Variants in SDK1 observed in about 807,000 individuals in gnomAD.
The protein encoded by SDK1 is protein sidekick-1.
A neutral mutation model predicts 245.5 loss-of-function variants in SDK1; 157 were observed. The ratio of observed to expected loss-of-function variants is 0.64; its 90% CI spans 0.56 to 0.73. The LOEUF (loss-of-function observed/expected upper bound fraction) is 0.73, where lower values mean the gene tolerates loss of function less well. Among genes scored for constraint, SDK1 ranks in the 30% least tolerant of loss-of-function variants. The pLI, the probability that SDK1 is intolerant of heterozygous loss-of-function variation, is 0.00. For synonymous variants in SDK1, 1,647 were observed against 1,278.5 expected (o/e 1.29, Z -6.15); for missense variants, 3,583 against 3,002.3 (o/e 1.19, Z -4.52).
In SDK1 at chr7:4,241,372, C is replaced by T. The variant is rs574780662; in HGVS notation, c.6131-421C>T. Among the ~76,000 whole-genome samples, 17 of 152,268 alleles carry T rather than the reference C, an allele frequency of 1.1e-4. 1 individual carries two copies. The South Asian group carries it at 2.7e-3, about 24-fold the overall frequency. Reference sequence around the variant, plus strand: ...ATTCTTGGCCAGGTGCAGTGGCTCACGCTTGCCATCCCAGCACTTTGAGAG... The same window carrying T: ...ATTCTTGGCCAGGTGCAGTGGCTCATGCTTGCCATCCCAGCACTTTGAGAG... On this transcript the variant is annotated intron_variant, in intron 42 of 44. Transcript: ENST00000404826.
At chr7:3,667,136 T>G (rs6968326) in intron 4 of SDK1, among the ~76,000 whole-genome samples, 55,487 of 151,704 alleles carry the variant, frequency 0.37, 10,995 homozygotes, top group African/African-American at 0.52. Context: ...TGTGCATATC[T>G]GTGTACCTTG....
chr7:3,374,516 C>T (rs961581111), intron 1 of SDK1, among the ~76,000 whole-genome samples: 9 of 152,144 alleles, frequency 5.9e-5, no homozygotes, highest in Non-Finnish European at 1.0e-4. Context: ...GTGGCTGCCA[C>T]CAGAAGGTCT....
chr7:3,876,763 A>C (rs878930891), intron 5 of SDK1, among the ~76,000 whole-genome samples: 5 of 152,214 alleles, frequency 3.3e-5, no homozygotes, highest in Admixed American at 3.3e-4. Context: ...ATAAGTGACC[A>C]GGCTTCCATG....
chr7:3,886,888 C>T (rs1036901104), intron 5 of SDK1, among the ~76,000 whole-genome samples: 5 of 152,178 alleles, frequency 3.3e-5, no homozygotes, highest in African/African-American at 1.2e-4. Flanking sequence ...TGCACACCAA[C>T]CTGGGCAAGA....
chr7:4,139,559 ATATGTGTGTATATGTGTGTGTG>A lies in SDK1; in HGVS notation c.4229-6153_4229-6132del, dbSNP rs1208092498. On this transcript the variant is annotated intron_variant, in intron 28 of 44. Transcript: ENST00000404826. Reference sequence around the variant, plus strand: ...TGTATATATGTGTGTGTATATGTATATATGTGTGTATATGTGTGTGTGTATGTGTGTGTATATGTATATATGT... The same window carrying A: ...TGTATATATGTGTGTGTATATGTATATATGTGTGTGTATATGTATATATGT... Among the ~76,000 whole-genome samples, 106 of 11,998 alleles carry A rather than the reference ATATGTGTGTATATGTGTGTGTG, an allele frequency of 8.8e-3. 4 individuals carry two copies. The highest frequency in any genetic ancestry group is 0.031 in the African/African-American group (88 of 2,862). The allele number at this position is 11,998 out of a possible 152,430, so 7.9% of individuals were successfully genotyped here.
intron 4 of SDK1, among the ~76,000 whole-genome samples, chr7:3,646,233 G>A (rs985524168): frequency 6.6e-6 from 1 of 152,076 alleles, no homozygotes; most frequent in African/African-American, 2.4e-5. Context: ...GGTGAAAGCA[G>A]TTCATTTTCT....
At chr7:4,226,112 C>T (rs1785430710) in intron 40 of SDK1, among the ~76,000 whole-genome samples, 1 of 152,178 alleles carries the variant, frequency 6.6e-6, no homozygotes, top group Non-Finnish European at 1.5e-5. Context: ...GGCCTCATTA[C>T]ACAAAACATT....
At position 3,375,273 on chromosome 7, in the gene SDK1, C is replaced by G. The variant is rs915044327; in HGVS notation, c.298+73389C>G. Among the ~76,000 whole-genome samples, 15 of 152,078 alleles carry G rather than the reference C, an allele frequency of 9.9e-5. No individual in the cohort carries two copies. The South Asian group carries it at 1.2e-3, about 13-fold the overall frequency. On this transcript the variant is annotated intron_variant, in intron 1 of 44. Transcript: ENST00000404826. ...TACATGTCACAAACTTATGCTAAAG[C>G]TGTAATTGTTAAATCAGTATAATAC...
chr7:3,554,286 C>A (rs1779515066), intron 1 of SDK1, among the ~76,000 whole-genome samples: 1 of 151,984 alleles, frequency 6.6e-6, no homozygotes, highest in Non-Finnish European at 1.5e-5. Context: ...AAATCAGTAA[C>A]AGAAAGACAA....
chr7:3,653,084 G>T (rs555100145), intron 4 of SDK1, among the ~76,000 whole-genome samples: 3 of 152,342 alleles, frequency 2.0e-5, no homozygotes, highest in African/African-American at 7.2e-5. Context: ...TGACGCAGAT[G>T]AGAAAAGTCG....
At chr7:3,857,126 A>G (rs895998461) in intron 5 of SDK1, among the ~76,000 whole-genome samples, 4 of 152,158 alleles carry the variant, frequency 2.6e-5, no homozygotes, top group Admixed American at 6.5e-5. Context: ...TAGAGGGAAA[A>G]CTTATCTAAA....
chr7:3,797,795 C>T (rs990524232), intron 4 of SDK1, among the ~76,000 whole-genome samples: 2 of 152,060 alleles, frequency 1.3e-5, no homozygotes, highest in Admixed American at 6.6e-5. Flanking sequence ...TGTTTCTCTC[C>T]TGTTGATTTC....
chr7:4,005,794 G>A (rs1309670116), intron 14 of SDK1, among the ~76,000 whole-genome samples: 1 of 152,184 alleles, frequency 6.6e-6, no homozygotes, highest in Non-Finnish European at 1.5e-5. Flanking sequence ...ACTTTGGGAG[G>A]CCAAGGCAGA....
chr7:4,221,161 CA>C, intron 39 of SDK1, 77 bp from the exon 40 acceptor site: 1 of 1,556,072 alleles, frequency 6.4e-7, no homozygotes, highest in Non-Finnish European at 8.7e-7. Context: ...TCTGACCCCC[CA>C]CTGTGAAATC....
At chr7:3,419,072 G>A (rs77791788) in intron 1 of SDK1, among the ~76,000 whole-genome samples, 1 of 152,138 alleles carries the variant, frequency 6.6e-6, no homozygotes. Context: ...CCATGAATAC[G>A]GTATTTTTGA....
chr7:4,041,182 A>G (rs1362679434), intron 17 of SDK1, among the ~76,000 whole-genome samples: 1 of 152,206 alleles, frequency 6.6e-6, no homozygotes, highest in East Asian at 1.9e-4. Flanking sequence ...GGTGTCAGGG[A>G]AGTGCCGTGT....
At chr7:3,801,533 C>G (rs185067570) in intron 4 of SDK1, among the ~76,000 whole-genome samples, 1 of 152,276 alleles carries the variant, frequency 6.6e-6, no homozygotes, top group Admixed American at 6.5e-5. Flanking sequence ...CTCTATCGTC[C>G]TCTCTCCTTA....
intron 1 of SDK1, among the ~76,000 whole-genome samples, chr7:3,462,756 C>T (rs114873132): frequency 1.0e-3 from 155 of 152,268 alleles, no homozygotes; most frequent in African/African-American, 3.5e-3. Context: ...CTATTGCCGC[C>T]ATCCTAATGC....
intron 22 of SDK1, among the ~76,000 whole-genome samples, chr7:4,108,191 C>T (rs1263626300): frequency 6.6e-6 from 1 of 152,136 alleles, no homozygotes; most frequent in Non-Finnish European, 1.5e-5. Flanking sequence ...TTTCCCTCTT[C>T]ACAGACGCGA....
Sources: allele counts gnomAD v4.1 joint callset (sites outside exome capture counted in the v4.1 genomes callset), GRCh38; gene constraint gnomAD v4.1.1; transcripts MANE v1.5; gene names NCBI Gene and HGNC (gene_info 2026-07-23, HGNC 2026-07-21).